TRIO: variants seen among roughly 807,000 people sequenced by gnomAD.
TRIO encodes the protein triple functional domain protein.
A neutral mutation model predicts 351.9 loss-of-function variants in TRIO; 58 were observed. The observed-to-expected ratio is 0.16, with a 90% CI of 0.13 to 0.21. The LOEUF is 0.21. TRIO is among the 10% of genes least tolerant of loss of function. The pLI, the probability that TRIO is intolerant of heterozygous loss-of-function variation, is 1.00. For synonymous variants in TRIO, 1,758 were observed against 1,595.7 expected (o/e 1.10, Z -2.42); for missense variants, 3,201 against 4,027.8 (o/e 0.79, Z 5.56).
intron 1 of TRIO, among the ~76,000 whole-genome samples, chr5:14,206,014 A>G (rs1791435478): frequency 6.6e-6 from 1 of 152,156 alleles, no homozygotes; most frequent in Non-Finnish European, 1.5e-5. Flanking sequence ...GATTACAGGT[A>G]TGAGCCACTG....
chr5:14,492,180 TA>T (rs1280112090), intron 48 of TRIO, among the ~76,000 whole-genome samples: 1 of 152,236 alleles, frequency 6.6e-6, no homozygotes, highest in African/African-American at 2.4e-5. Flanking sequence ...TACCTTTTTT[TA>T]ACTGATAATG....
In TRIO at chr5:14,412,520, G is replaced by A. The variant is rs754498105; in HGVS notation, c.4959+5848G>A. 3.3e-5 allele frequency among the ~76,000 whole-genome samples: 5 copies of A among 152,252 alleles called. No homozygotes were observed. In the East Asian group the frequency reaches 9.7e-4, roughly 29 times the overall value. Reference sequence around the variant, plus strand: ...TCCCGAGGTTGTCCTGCAGTCCTGCGTTCTGCCTCTATTCACCACATGGAA... The same window carrying A: ...TCCCGAGGTTGTCCTGCAGTCCTGCATTCTGCCTCTATTCACCACATGGAA... On this transcript the variant is annotated intron_variant, in intron 33 of 56. Transcript: ENST00000344204.
chr5:14,150,428 A>ACACACAC (rs1787760776), intron 1 of TRIO, among the ~76,000 whole-genome samples: 1 of 151,428 alleles, frequency 6.6e-6, no homozygotes. Flanking sequence ...CATGCACACA[A>ACACACAC]CACACACACA....
chr5:14,390,887 T>C lies in TRIO; in HGVS notation c.4129-14T>C. On this transcript the variant is annotated splice_polypyrimidine_tract_variant and intron_variant, in intron 26 of 56. Transcript: ENST00000344204. ...TTATGATTTAAATGAGATCTTTTTT[T>C]TTTTGGCTTACAGGCAGACAAGTTT... 2 of 1,587,612 alleles carry C rather than the reference T, an allele frequency of 1.3e-6. No homozygotes were observed. Among genetic ancestry groups the C allele is most frequent in the South Asian group, 1.2e-5 (1 of 85,256 alleles).
chr5:14,230,610 A>ACTTG (rs1459597553), intron 1 of TRIO, among the ~76,000 whole-genome samples: 1 of 151,972 alleles, frequency 6.6e-6, no homozygotes, highest in Non-Finnish European at 1.5e-5. Flanking sequence ...AGAATTTCTG[A>ACTTG]CTTGTTTTCC....
intron 5 of TRIO, 51 bp downstream of exon 5, chr5:14,291,279 TG>T (rs1229628702): frequency 6.4e-7 from 1 of 1,571,920 alleles, no homozygotes; most frequent in Admixed American, 1.8e-5. Context: ...AAGCCAGCGC[TG>T]GTGGGTTCGG....
At chr5:14,241,579 T>A (rs1306040574) in intron 1 of TRIO, among the ~76,000 whole-genome samples, 1 of 152,210 alleles carries the variant, frequency 6.6e-6, no homozygotes, top group Non-Finnish European at 1.5e-5. Flanking sequence ...ATTCCTACTA[T>A]AGGCTAAATT....
At chr5:14,421,875 T>C (rs575197080) in intron 34 of TRIO, among the ~76,000 whole-genome samples, 53 of 152,152 alleles carry the variant, frequency 3.5e-4, no homozygotes, top group African/African-American at 1.3e-3. Flanking sequence ...ACAAAAGACA[T>C]AGGAACTGCA....
In TRIO at chr5:14,286,788, G is replaced by C; in HGVS notation, c.348-83G>C. ...GTGTCCAGCAGGGGAGGGAAGCTGG[G>C]TCTGTGGCACCCAGTGGGACTCTGA... On this transcript the variant is annotated intron_variant, in intron 3 of 56. Coordinates refer to ENST00000344204, the MANE Select transcript of TRIO (RefSeq NM_007118.4). This position sits in a 1 kb window ranked among gnomAD's most constrained non-coding sequence, Gnocchi z 4.4. 2.0e-6 allele frequency: 3 copies of C among 1,472,632 alleles called. No individual in the cohort carries two copies. The highest frequency in any genetic ancestry group is 2.8e-6 in the Non-Finnish European group (3 of 1,089,784). The allele number at this position is 1,472,632 out of a possible 1,614,324, so 91.2% of individuals were successfully genotyped here.
chr5:14,181,172 T>TA (rs33999434), intron 1 of TRIO, among the ~76,000 whole-genome samples: 103,979 of 148,160 alleles, frequency 0.7, 37,304 homozygotes, highest in East Asian at 0.93. Flanking sequence ...ACTGCAGACT[T>TA]AAAAAAAAAA....
chr5:14,338,235 T>C (rs1741609332), intron 11 of TRIO, among the ~76,000 whole-genome samples: 1 of 152,200 alleles, frequency 6.6e-6, no homozygotes, highest in Non-Finnish European at 1.5e-5. Flanking sequence ...GACTAGGCCG[T>C]ACCCCTGCTT....
At chr5:14,393,887 T>A (rs1246010671) in intron 27 of TRIO, 151 bp from the exon 28 acceptor site, 1 of 471,690 alleles carries the variant, frequency 2.1e-6, no homozygotes, top group Non-Finnish European at 3.7e-6. Context: ...TGTTAATAAT[T>A]TAAAAGCCTC....
chr5:14,183,012 C>T (rs771565649), intron 1 of TRIO, among the ~76,000 whole-genome samples: 4 of 152,176 alleles, frequency 2.6e-5, no homozygotes, highest in African/African-American at 9.7e-5. Context: ...CATCCTTTTC[C>T]GCAGGCCTCT....
At chr5:14,415,946 A>T (rs780471454) in intron 33 of TRIO, among the ~76,000 whole-genome samples, 1 of 151,900 alleles carries the variant, frequency 6.6e-6, no homozygotes, top group Non-Finnish European at 1.5e-5. Context: ...GCAAGTGTTA[A>T]TGTGAGTCAT....
chr5:14,211,873 A>T (rs1290048340), intron 1 of TRIO, among the ~76,000 whole-genome samples: 1 of 151,916 alleles, frequency 6.6e-6, no homozygotes, highest in African/African-American at 2.4e-5. Context: ...CAACTTTGAG[A>T]GGCCAAAGTA....
In TRIO at chr5:14,497,038, G is replaced by C; in HGVS notation, c.8019+21G>C. The C allele has an allele frequency of 6.2e-7, 1 of 1,612,924 alleles. No homozygotes were observed. The highest frequency in any genetic ancestry group is 8.5e-7 in the Non-Finnish European group (1 of 1,179,350). Reference sequence around the variant, plus strand: ...TGAAGGTGTGTTCGGGGGTCTTCAGGAGTCCGTGTCATCCCAGCATGAGAG... The same window carrying C: ...TGAAGGTGTGTTCGGGGGTCTTCAGCAGTCCGTGTCATCCCAGCATGAGAG... On this transcript the variant is annotated intron_variant, in intron 50 of 56. Coordinates refer to ENST00000344204, the MANE Select transcript of TRIO (RefSeq NM_007118.4). This position sits in a 1 kb window ranked among gnomAD's most constrained non-coding sequence, Gnocchi z 4.4.
chr5:14,473,425 G>A (rs1270606467), intron 39 of TRIO, among the ~76,000 whole-genome samples: 2 of 152,196 alleles, frequency 1.3e-5, no homozygotes, highest in Non-Finnish European at 2.9e-5. Flanking sequence ...TAACATGCTT[G>A]ATTTATCTGC....
chr5:14,243,264 G>C (rs112194920), intron 1 of TRIO, among the ~76,000 whole-genome samples: 139 of 151,652 alleles, frequency 9.2e-4, no homozygotes, highest in African/African-American at 3.2e-3. Context: ...CTCTCCATTC[G>C]TGTGTACCCT....
intron 8 of TRIO, among the ~76,000 whole-genome samples, chr5:14,311,929 CT>C (rs1017412924): frequency 6.6e-6 from 1 of 152,162 alleles, no homozygotes; most frequent in Non-Finnish European, 1.5e-5. Context: ...TTTTCTAGCA[CT>C]TTTTAGATCT....
Sources: allele counts gnomAD v4.1 joint callset (sites outside exome capture counted in the v4.1 genomes callset), GRCh38; gene constraint gnomAD v4.1.1; non-coding constraint Gnocchi (gnomAD v3.1); transcripts MANE v1.5; gene names NCBI Gene and HGNC (gene_info 2026-07-23, HGNC 2026-07-21).